Variants in PKP1 observed in about 807,000 individuals in gnomAD.
PKP1 encodes plakophilin 1.
Under a neutral mutation model 76.4 loss-of-function variants are expected in PKP1, and 27 were observed. The ratio of observed to expected loss-of-function variants is 0.35; its 90% CI spans 0.26 to 0.49. PKP1 has a LOEUF of 0.49. Ranked by LOEUF, PKP1 falls within the 20% of genes least tolerant of loss-of-function variation. The pLI is 0.99. For missense variants in PKP1, 964 were observed against 955.2 expected, an observed-to-expected ratio of 1.01 and a Z score of -0.12; for synonymous variants, 404 against 384.2, an observed-to-expected ratio of 1.05 and a Z score of -0.60.
At chr1:201,295,962 C>T (rs1213122083) in intron 2 of PKP1, among the ~76,000 whole-genome samples, 2 of 152,294 alleles carry the variant, frequency 1.3e-5, no homozygotes, top group Non-Finnish European at 1.5e-5. Flanking sequence ...TCAGTCATCT[C>T]ACTAGCTTTT....
chr1:201,328,676 C>A, intron 12 of PKP1, 86 bp from the exon 13 acceptor site: 1 of 1,216,662 alleles, frequency 8.2e-7, no homozygotes, highest in Non-Finnish European at 1.2e-6. Context: ...GCCGAGGTTG[C>A]TCTGGGAGGG....
Position 201,325,676 on chromosome 1 carries a change from G to A in PKP1, c.2022-78G>A, listed in dbSNP as rs559481594. 19 of 1,088,144 alleles carry A rather than the reference G, an allele frequency of 1.7e-5. No individual in the cohort carries two copies. In the African/African-American group the frequency reaches 2.6e-4, roughly 15 times the overall value. The allele number at this position is 1,088,144 out of a possible 1,614,324, so 67.4% of individuals were successfully genotyped here. On this transcript the variant is annotated intron_variant, in intron 11 of 13. Transcript: ENST00000367324. ...TCCCCTGTGTCCAGGCCCTGGCAGTGGGGGTGGGAGGGAAGAGGGTGCTCC... is the reference window on the plus strand; with the variant it reads ...TCCCCTGTGTCCAGGCCCTGGCAGTAGGGGTGGGAGGGAAGAGGGTGCTCC...
intron 13 of PKP1, among the ~76,000 whole-genome samples, chr1:201,329,731 T>TA (rs979604857): frequency 1.2e-4 from 19 of 152,188 alleles, no homozygotes; most frequent in African/African-American, 4.1e-4. Flanking sequence ...GGATGAAGGT[T>TA]AAATAAGACT....
intron 3 of PKP1, among the ~76,000 whole-genome samples, chr1:201,314,677 G>A (rs1054986540): frequency 6.6e-6 from 1 of 152,352 alleles, no homozygotes; most frequent in Non-Finnish European, 1.5e-5. Flanking sequence ...CAGGGCTGGG[G>A]GCTCCCTGAA....
chr1:201,306,521 G>A (rs972443789), intron 2 of PKP1, among the ~76,000 whole-genome samples: 3 of 152,266 alleles, frequency 2.0e-5, no homozygotes, highest in Admixed American at 6.5e-5. Context: ...TTTCTACTTA[G>A]AAAAGTTGTC....
intron 12 of PKP1, 128 bp from the exon 13 acceptor site, chr1:201,328,634 A>C: frequency 2.5e-6 from 2 of 813,600 alleles, no homozygotes; most frequent in South Asian, 2.7e-5. Context: ...GCCCTGACAC[A>C]TGTACTTAGT....
intron 6 of PKP1, 157 bp from the exon 7 acceptor site, chr1:201,320,110 C>A: frequency 1.4e-6 from 1 of 698,852 alleles, no homozygotes; most frequent in Non-Finnish European, 2.6e-6. Context: ...TTCCTTCTAC[C>A]ACAACTTCCA....
chr1:201,319,631 A>C (rs1362542928), intron 6 of PKP1, among the ~76,000 whole-genome samples: 1 of 152,176 alleles, frequency 6.6e-6, no homozygotes, highest in East Asian at 1.9e-4. Context: ...AACAGCAGCC[A>C]CACCCCACCT....
chr1:201,300,785 C>A (rs854502), intron 2 of PKP1, among the ~76,000 whole-genome samples: 74,969 of 152,096 alleles, frequency 0.49, 22,422 homozygotes, highest in East Asian at 0.73. Flanking sequence ...TGAACAAATG[C>A]AAGTGGTGTC....
chr1:201,288,238 A>G (rs965434436), intron 1 of PKP1, among the ~76,000 whole-genome samples: 1 of 152,220 alleles, frequency 6.6e-6, no homozygotes, highest in Non-Finnish European at 1.5e-5. Flanking sequence ...CTTTGGAAAT[A>G]GATTTTATAA....
intron 2 of PKP1, among the ~76,000 whole-genome samples, chr1:201,312,478 TCCTGGA>T (rs1444099825): frequency 6.6e-6 from 1 of 152,170 alleles, no homozygotes; most frequent in Non-Finnish European, 1.5e-5. Context: ...CAACTCCCCC[TCCTGGA>T]CTGTACCATG....
At chr1:201,298,854 C>T (rs111379324) in intron 2 of PKP1, among the ~76,000 whole-genome samples, 8 of 152,286 alleles carry the variant, frequency 5.3e-5, no homozygotes, top group African/African-American at 1.4e-4. Context: ...GTGCTAGGGG[C>T]CCTTACCCTA....
chr1:201,284,335 G>A lies in PKP1; in HGVS notation c.202+431G>A, dbSNP rs938850031. On this transcript the variant is annotated intron_variant, in intron 1 of 13. Transcript: ENST00000367324. The stretch of plus-strand genomic sequence containing the variant: ...CCTGGGGCCCATGGTCCCCGCGCTC[G>A]CAAACGGTTGTGGGCCACCCTTCAC... Among the ~76,000 whole-genome samples the A allele has an allele frequency of 1.1e-4, 16 of 152,232 alleles. 1 individual carries two copies.
At position 201,325,027 on chromosome 1, in the gene PKP1, T is replaced by G; in HGVS notation, c.1921T>G (p.Cys641Gly). The change falls in exon 11 of 14, where the codon TGC becomes GGC. Residue 641 changes from cysteine to glycine, a missense_variant. Coordinates refer to ENST00000367324, the MANE Select transcript of PKP1 (RefSeq NM_001005337.3). The stretch of plus-strand genomic sequence containing the variant: ...CTCCGAAGACATCTTGTCCTCGGCC[T>G]GCTACACTGTGAGGAACCTGATGGC... ...SNSEDILSSA[C>G]YTVRNLMASQ... is the part of the protein sequence containing the mutation. 6.2e-7 allele frequency: 1 copy of G among 1,613,932 alleles called. No individual in the cohort carries two copies. The highest frequency in any genetic ancestry group is 8.5e-7 in the Non-Finnish European group (1 of 1,180,016).
At chr1:201,294,424 G>A (rs111662745) in intron 2 of PKP1, among the ~76,000 whole-genome samples, 7 of 152,226 alleles carry the variant, frequency 4.6e-5, no homozygotes, top group South Asian at 4.1e-4. Context: ...ATCTCTGTTC[G>A]TTCTGTGCCT....
intron 2 of PKP1, among the ~76,000 whole-genome samples, chr1:201,294,921 C>T (rs1050085778): frequency 6.6e-6 from 1 of 152,228 alleles, no homozygotes; most frequent in East Asian, 1.9e-4. Flanking sequence ...TCAGGAGTAC[C>T]GGGCTAGATG....
chr1:201,329,139 T>A (rs115830010), intron 13 of PKP1, among the ~76,000 whole-genome samples: 2,313 of 152,320 alleles, frequency 0.015, 59 homozygotes, highest in Admixed American at 0.075. Context: ...GGTTGTACAC[T>A]GAACAACACA....
intron 9 of PKP1, among the ~76,000 whole-genome samples, chr1:201,323,731 A>C (rs1189994495): frequency 6.6e-6 from 1 of 152,164 alleles, no homozygotes; most frequent in Non-Finnish European, 1.5e-5. Flanking sequence ...CTTCAGCTTT[A>C]CTTAGGAAAA....
At chr1:201,315,587 G>T (rs894334639) in intron 3 of PKP1, among the ~76,000 whole-genome samples, 5 of 152,216 alleles carry the variant, frequency 3.3e-5, no homozygotes, top group Non-Finnish European at 7.3e-5. Flanking sequence ...CCTGGCCAGG[G>T]TACAGTGAAG....
Sources: gnomAD v4.1 joint callset for allele counts (sites outside exome capture counted in the v4.1 genomes callset) on GRCh38, gnomAD v4.1.1 for gene constraint, MANE v1.5 for transcripts, NCBI Gene and HGNC (gene_info 2026-07-23, HGNC 2026-07-21) for gene names.